Variants in CTIF observed in about 807,000 individuals in gnomAD.
CTIF encodes CBP80/20-dependent translation initiation factor.
CTIF carries 21 observed loss-of-function variants against 66.0 expected under a neutral mutation model. That is an observed-to-expected ratio of 0.32 (90% CI 0.23 to 0.46). The LOEUF (loss-of-function observed/expected upper bound fraction) is 0.46. CTIF is among the 20% of genes least tolerant of loss of function. The probability of loss-of-function intolerance (pLI) is 1.00; values close to 1 mark genes in which losing one functional copy is unlikely to be tolerated. For synonymous variants in CTIF, 345 were observed against 326.4 expected (o/e 1.06, Z -0.62); for missense variants, 739 against 812.7 (o/e 0.91, Z 1.10).
chr18:48,695,226 C>T (rs1342231669), intron 6 of CTIF, among the ~76,000 whole-genome samples: 3 of 152,224 alleles, frequency 2.0e-5, no homozygotes, highest in Non-Finnish European at 4.4e-5. Context: ...AGCGAGTGCC[C>T]ACCACAATTG....
chr18:48,588,236 C>G (rs924810142), intron 1 of CTIF, among the ~76,000 whole-genome samples: 3 of 152,216 alleles, frequency 2.0e-5, no homozygotes, highest in Admixed American at 1.3e-4. Flanking sequence ...CTCCCTGATT[C>G]CACTTTCTCT....
intron 7 of CTIF, among the ~76,000 whole-genome samples, chr18:48,719,789 G>T (rs1464015851): frequency 6.6e-6 from 1 of 152,114 alleles, no homozygotes; most frequent in African/African-American, 2.4e-5. Context: ...ATTTTAAATG[G>T]CTCCTAAACA....
chr18:48,692,729 T>C (rs1028061477), intron 6 of CTIF: 3 of 152,200 alleles, frequency 2.0e-5, no homozygotes, highest in Non-Finnish European at 2.9e-5. Context: ...CCTACAACAA[T>C]GGTTCCCACA....
rs575335946 is a variant in CTIF at position 48,859,686 on chromosome 18, C to A, written c.*127C>A. 2.3e-6 allele frequency: 2 copies of A among 865,536 alleles called. No homozygotes were observed. The highest frequency in any genetic ancestry group is 3.8e-6 in the Non-Finnish European group (2 of 529,066). 53.6% of individuals were successfully genotyped at this position (865,536 alleles called of 1,614,324 possible). ...AAATGGGGAGGAGGGCAGGCAGAGT[C>A]GGTGGCCAGTCTGGAGCCAGACGGG... On this transcript the variant is annotated 3_prime_UTR_variant, in exon 12 of 12. Coordinates refer to ENST00000256413, the MANE Select transcript of CTIF (RefSeq NM_014772.3).
At chr18:48,577,624 G>A (rs1231094693) in intron 1 of CTIF, among the ~76,000 whole-genome samples, 1 of 152,146 alleles carries the variant, frequency 6.6e-6, no homozygotes, top group African/African-American at 2.4e-5. Flanking sequence ...CCAGGCTGGA[G>A]TGCAGTAGTG....
chr18:48,654,283 A>G (rs1384761094), intron 3 of CTIF, among the ~76,000 whole-genome samples: 2 of 152,258 alleles, frequency 1.3e-5, no homozygotes, highest in East Asian at 1.9e-4. Flanking sequence ...TTTACAAGAA[A>G]AAAAACAACC....
chr18:48,662,694 T>C (rs568086454), intron 3 of CTIF: 4 of 152,138 alleles, frequency 2.6e-5, no homozygotes, highest in African/African-American at 9.6e-5. Context: ...TGGTTTCCTC[T>C]TCCAGTTACT....
At chr18:48,717,092 A>G (rs947260096) in intron 7 of CTIF, among the ~76,000 whole-genome samples, 1 of 152,138 alleles carries the variant, frequency 6.6e-6, no homozygotes, top group African/African-American at 2.4e-5. Flanking sequence ...TGTCTTCTAA[A>G]TGTAGAACCA....
At chr18:48,705,995 C>T (rs1401835490) in intron 6 of CTIF, among the ~76,000 whole-genome samples, 1 of 152,180 alleles carries the variant, frequency 6.6e-6, no homozygotes, top group Non-Finnish European at 1.5e-5. Context: ...TGATATTCTC[C>T]ATCAGGTGCA....
chr18:48,862,993 C>T lies in CTIF; in HGVS notation c.*3434C>T, dbSNP rs2146718349. ...ATCAGAAGAAAGAAAGACAACTTTC[C>T]TCTGCGCGGAACACTCACACGGAAG... On this transcript the variant is annotated 3_prime_UTR_variant, in exon 12 of 12. Transcript: ENST00000256413. 2.0e-5 allele frequency: 3 copies of T among 152,424 alleles called. No homozygotes were observed. The South Asian group carries it at 6.2e-4, about 32-fold the overall frequency. 9.4% of individuals were successfully genotyped at this position (152,424 alleles called of 1,614,324 possible).
chr18:48,720,560 G>A (rs888969406), intron 7 of CTIF, among the ~76,000 whole-genome samples: 2 of 152,140 alleles, frequency 1.3e-5, no homozygotes, highest in African/African-American at 4.8e-5. Context: ...CCCCCACCTG[G>A]CAGGCAGCCC....
intron 2 of CTIF, among the ~76,000 whole-genome samples, chr18:48,629,087 C>T (rs1478087901): frequency 1.3e-5 from 2 of 152,208 alleles, no homozygotes; most frequent in African/African-American, 4.8e-5. Flanking sequence ...CCTCAAGTCT[C>T]CCTTCAGGGA....
chr18:48,576,687 G>A (rs183753461), intron 1 of CTIF, among the ~76,000 whole-genome samples: 1 of 152,232 alleles, frequency 6.6e-6, no homozygotes, highest in Non-Finnish European at 1.5e-5. Context: ...GGTGCCCTGA[G>A]TACAGGATTT....
intron 3 of CTIF, among the ~76,000 whole-genome samples, chr18:48,649,308 G>A (rs1234802132): frequency 6.6e-6 from 1 of 152,206 alleles, no homozygotes; most frequent in Non-Finnish European, 1.5e-5. Context: ...ATATCCTGCA[G>A]CTGGCTCAGC....
At chr18:48,677,436 C>G (rs1224101493) in intron 6 of CTIF, among the ~76,000 whole-genome samples, 1 of 152,208 alleles carries the variant, frequency 6.6e-6, no homozygotes, top group Non-Finnish European at 1.5e-5. Flanking sequence ...CTCCTAATGT[C>G]CCCTTAGTGA....
intron 6 of CTIF, among the ~76,000 whole-genome samples, chr18:48,688,713 C>A (rs1238175859): frequency 6.6e-6 from 1 of 152,192 alleles, no homozygotes; most frequent in Admixed American, 6.5e-5. Flanking sequence ...CCTGTAGTTT[C>A]TTTTATAATG....
intron 7 of CTIF, among the ~76,000 whole-genome samples, chr18:48,716,181 A>G (rs1161164738): frequency 2.0e-5 from 3 of 152,206 alleles, no homozygotes; most frequent in African/African-American, 4.8e-5. Flanking sequence ...ACCCTGTGCC[A>G]TAAGCTGTGC....
At chr18:48,574,703 C>T (rs873816) in intron 1 of CTIF, among the ~76,000 whole-genome samples, 117,299 of 152,122 alleles carry the variant, frequency 0.77, 46,202 homozygotes, top group East Asian at 0.96. Flanking sequence ...ACTTGCGCTA[C>T]GTTTCTGAGC....
intron 3 of CTIF, among the ~76,000 whole-genome samples, chr18:48,640,370 G>A (rs2090905299): frequency 6.6e-6 from 1 of 152,224 alleles, no homozygotes; most frequent in Non-Finnish European, 1.5e-5. Context: ...TCTGGCCTAG[G>A]GCCTTGTACT....
Sources: gnomAD v4.1 joint callset for allele counts (sites outside exome capture counted in the v4.1 genomes callset) on GRCh38, gnomAD v4.1.1 for gene constraint, MANE v1.5 for transcripts, NCBI Gene and HGNC (gene_info 2026-07-23, HGNC 2026-07-21) for gene names.